CREB3L2: variants seen among roughly 807,000 people sequenced by gnomAD.
CREB3L2 encodes the protein cyclic AMP-responsive element-binding protein 3-like protein 2.
In CREB3L2, 23 loss-of-function variants were observed where a neutral mutation model predicts 57.2. The observed-to-expected ratio is 0.40, with a 90% confidence interval of 0.29 to 0.57. The LOEUF is 0.57. Among genes scored for constraint, CREB3L2 ranks in the 20% least tolerant of loss-of-function variants. The pLI is 0.42. For synonymous variants in CREB3L2, 268 were observed against 265.1 expected (o/e 1.01, Z -0.11); for missense variants, 628 against 634.7 (o/e 0.99, Z 0.11).
At chr7:137,931,528 A>C (rs1419361988) in intron 1 of CREB3L2, among the ~76,000 whole-genome samples, 2 of 151,464 alleles carry the variant, frequency 1.3e-5, no homozygotes, top group African/African-American at 4.8e-5. Flanking sequence ...TCTCAAAAAA[A>C]AAAAAAAAAA....
rs1018435266 is a variant in CREB3L2, at chr7:137,999,550, C to G, written c.102+2054G>C. ...CTGACTGAATGAATAATCAGGCCAT[C>G]CTTTTTCTACATAAAGATTCAGCTA... On this transcript the variant is annotated intron_variant, in intron 1 of 11. Transcript: ENST00000330387. 22 of 152,150 alleles carry G rather than the reference C, an allele frequency of 1.4e-4. 1 individual carries two copies. The highest frequency in any genetic ancestry group is 4.3e-4 in the African/African-American group (18 of 41,432). The allele number at this position is 152,150 out of a possible 1,614,324, so 9.4% of individuals were successfully genotyped here.
intron 1 of CREB3L2, among the ~76,000 whole-genome samples, chr7:137,950,759 A>T (rs1323906471): frequency 1.3e-5 from 2 of 152,166 alleles, no homozygotes; most frequent in African/African-American, 4.8e-5. Flanking sequence ...TTTATAAAGG[A>T]CTCACATATT....
intron 10 of CREB3L2, among the ~76,000 whole-genome samples, chr7:137,883,420 T>C (rs1252639655): frequency 1.3e-5 from 2 of 152,240 alleles, no homozygotes; most frequent in African/African-American, 2.4e-5. Context: ...AAACCGAAGA[T>C]AGAACTGAAC....
rs1476032980 is a variant in CREB3L2 at position 137,880,740 on chromosome 7, T to C, written c.1488-189A>G. Among the ~76,000 whole-genome samples the C allele has an allele frequency of 6.6e-6, 1 of 150,836 alleles. No homozygotes were observed. Among genetic ancestry groups the C allele is most frequent in the African/African-American group, 2.4e-5 (1 of 40,962 alleles). ...AGTCCCCTGCTACCAGCCTCTCCAC[T>C]AGTCCACATTCCTACCTTTATCTAC... On this transcript the variant is annotated intron_variant, in intron 11 of 11. Coordinates refer to ENST00000330387, the MANE Select transcript of CREB3L2 (RefSeq NM_194071.4). The surrounding 1 kb of genome is among the most constrained non-coding windows in gnomAD (Gnocchi z 4.0).
intron 4 of CREB3L2, among the ~76,000 whole-genome samples, chr7:137,909,174 A>T (rs1799955567): frequency 6.6e-6 from 1 of 152,232 alleles, no homozygotes; most frequent in Admixed American, 6.5e-5. Context: ...CCCGCAGGCA[A>T]GACGCCAGGC....
chr7:137,922,453 T>TATATAC (rs1554498063), intron 2 of CREB3L2: 2 of 72,576 alleles, frequency 2.8e-5, no homozygotes, highest in African/African-American at 6.3e-5. Context: ...TATATATATA[T>TATATAC]ACACACATAT....
intron 2 of CREB3L2, among the ~76,000 whole-genome samples, chr7:137,921,728 G>A (rs1343218440): frequency 6.6e-6 from 1 of 152,198 alleles, no homozygotes; most frequent in African/African-American, 2.4e-5. Flanking sequence ...CAAGCTGAAA[G>A]CTGAGTCATC....
intron 1 of CREB3L2, among the ~76,000 whole-genome samples, chr7:137,945,713 C>T (rs1036328619): frequency 2.0e-4 from 31 of 152,120 alleles, no homozygotes; most frequent in Non-Finnish European, 7.4e-5. Flanking sequence ...GGCCTTTCAC[C>T]AACAAGTATG....
intron 1 of CREB3L2, among the ~76,000 whole-genome samples, chr7:137,954,318 TA>T (rs1801164865): frequency 6.6e-6 from 1 of 152,086 alleles, no homozygotes; most frequent in Non-Finnish European, 1.5e-5. Context: ...CCTAGGGACA[TA>T]ATCCACAGCT....
At chr7:137,997,155 C>T (rs1268603647) in intron 1 of CREB3L2, among the ~76,000 whole-genome samples, 1 of 152,066 alleles carries the variant, frequency 6.6e-6, no homozygotes, top group East Asian at 1.9e-4. Flanking sequence ...CTCCCTTTTT[C>T]CCCCAAGAAC....
intron 1 of CREB3L2, chr7:137,958,001 G>A (rs921339011): frequency 3.5e-5 from 10 of 282,480 alleles, no homozygotes; most frequent in African/African-American, 2.0e-4. Context: ...GAAGTCCCAG[G>A]AGCTGTTCAA....
At chr7:138,000,616 C>T (rs1300367519) in intron 1 of CREB3L2, among the ~76,000 whole-genome samples, 1 of 152,058 alleles carries the variant, frequency 6.6e-6, no homozygotes, top group South Asian at 2.1e-4. Context: ...TTGGTACTGA[C>T]CCCATTAAAA....
intron 2 of CREB3L2, among the ~76,000 whole-genome samples, chr7:137,923,126 T>C (rs944031792): frequency 3.3e-5 from 5 of 152,230 alleles, no homozygotes; most frequent in South Asian, 2.1e-4. Context: ...AAATATTTAC[T>C]ACATCCTTTT....
At chr7:137,944,052 T>C (rs1800922865) in intron 1 of CREB3L2, among the ~76,000 whole-genome samples, 1 of 152,198 alleles carries the variant, frequency 6.6e-6, no homozygotes, top group South Asian at 2.1e-4. Context: ...GACCCACCAA[T>C]ATCCAAATGC....
intron 1 of CREB3L2, among the ~76,000 whole-genome samples, chr7:137,946,940 A>C (rs148439773): frequency 0.076 from 3,115 of 41,120 alleles, 423 homozygotes; most frequent in East Asian, 0.3. Flanking sequence ...ATATAGTTAT[A>C]TATATAGTTA....
chr7:137,939,442 C>G (rs1167919239), intron 1 of CREB3L2, among the ~76,000 whole-genome samples: 1 of 152,202 alleles, frequency 6.6e-6, no homozygotes, highest in East Asian at 1.9e-4. Context: ...GAGAGAAGGG[C>G]AATCTCCTCA....
intron 1 of CREB3L2, among the ~76,000 whole-genome samples, chr7:137,950,948 T>C (rs1801081794): frequency 6.6e-6 from 1 of 152,194 alleles, no homozygotes; most frequent in Non-Finnish European, 1.5e-5. Flanking sequence ...TATTTCTGAA[T>C]TGTGTCTAAT....
intron 1 of CREB3L2, among the ~76,000 whole-genome samples, chr7:137,936,627 T>C (rs1563259269): frequency 2.0e-5 from 3 of 152,160 alleles, no homozygotes. Context: ...CTAATGACAG[T>C]CCTGCCTGAG....
chr7:137,914,370 G>T (rs1317688801), intron 3 of CREB3L2, among the ~76,000 whole-genome samples: 1 of 152,054 alleles, frequency 6.6e-6, no homozygotes, highest in Non-Finnish European at 1.5e-5. Context: ...TGTGGCTCAC[G>T]CCTGTAATCC....
Sources: gnomAD v4.1 joint callset for allele counts (sites outside exome capture counted in the v4.1 genomes callset) on GRCh38, gnomAD v4.1.1 for gene constraint, Gnocchi (gnomAD v3.1) non-coding constraint, MANE v1.5 for transcripts, NCBI Gene and HGNC (gene_info 2026-07-23, HGNC 2026-07-21) for gene names.